PKHD1: variants seen among roughly 807,000 people sequenced by gnomAD.
The protein encoded by PKHD1 is fibrocystin.
Under a neutral mutation model 412.0 loss-of-function variants are expected in PKHD1, and 291 were observed. The observed-to-expected ratio is 0.71, with a 90% CI of 0.64 to 0.78. PKHD1 has a LOEUF of 0.78. Among genes scored for constraint, PKHD1 ranks in the 30% least tolerant of loss-of-function variants. PKHD1 has a pLI of 0.00. For synonymous variants in PKHD1, 1,777 were observed against 1,821.5 expected (o/e 0.98, Z 0.62); for missense variants, 4,825 against 4,950.7 (o/e 0.97, Z 0.76).
intron 60 of PKHD1, among the ~76,000 whole-genome samples, chr6:51,699,920 A>AGTGTGTATGTGT (rs57760395): frequency 0.1 from 13,985 of 137,806 alleles, 989 homozygotes; most frequent in Non-Finnish European, 0.15. Flanking sequence ...ATATATATGG[A>AGTGTGTATGTGT]GTGTGTGTGT....
At chr6:52,058,771 C>CCCTATCTATCTATCTA (rs1491323277) in intron 15 of PKHD1, among the ~76,000 whole-genome samples, 170 bp from the exon 16 acceptor site, 13 of 149,190 alleles carry the variant, frequency 8.7e-5, no homozygotes, top group Admixed American at 2.0e-4. Context: ...TTCTCCAGCT[C>CCCTATCTATCTATCTA]TCTATCTATC....
chr6:51,743,712 T>C (rs1362634250), intron 60 of PKHD1, among the ~76,000 whole-genome samples: 1 of 151,968 alleles, frequency 6.6e-6, no homozygotes, highest in Non-Finnish European at 1.5e-5. Flanking sequence ...AATCAACTAA[T>C]GAGATAGGGA....
intron 50 of PKHD1, among the ~76,000 whole-genome samples, chr6:51,836,711 GAGAAACAAAAAC>G (rs1459808985): frequency 1.3e-5 from 2 of 152,096 alleles, no homozygotes; most frequent in Non-Finnish European, 2.9e-5. Context: ...AAATAATTAG[GAGAAACAAAAAC>G]AGAAACGAAA....
chr6:52,027,249 C>T (rs750189352), intron 31 of PKHD1, among the ~76,000 whole-genome samples: 29 of 151,994 alleles, frequency 1.9e-4, no homozygotes, highest in Non-Finnish European at 4.0e-4. Flanking sequence ...AGGCACATCT[C>T]GGCTGGGCAC....
intron 50 of PKHD1, among the ~76,000 whole-genome samples, chr6:51,846,424 C>A (rs1771167912): frequency 6.6e-6 from 1 of 152,120 alleles, no homozygotes; most frequent in Admixed American, 6.6e-5. Flanking sequence ...CTGGATTTGA[C>A]CAGGATCTAC....
chr6:51,713,309 T>C (rs918778130), intron 60 of PKHD1, among the ~76,000 whole-genome samples: 3 of 152,246 alleles, frequency 2.0e-5, no homozygotes, highest in Non-Finnish European at 4.4e-5. Flanking sequence ...TGCAATCTAA[T>C]GCAATCTCAA....
intron 66 of PKHD1, among the ~76,000 whole-genome samples, chr6:51,624,684 G>A (rs1193048323): frequency 6.6e-6 from 1 of 152,170 alleles, no homozygotes; most frequent in East Asian, 1.9e-4. Context: ...AGCACACATA[G>A]TGTGCCTGAA....
At position 51,870,435 on chromosome 6, in the gene PKHD1, C is replaced by T. The variant is rs1170375583; in HGVS notation, c.7486+69G>A. The T allele has an allele frequency of 9.8e-6, 12 of 1,224,950 alleles. No individual in the cohort carries two copies. In the East Asian group the frequency reaches 2.3e-4, roughly 24 times the overall value. 75.9% of individuals were successfully genotyped at this position (1,224,950 alleles called of 1,614,324 possible). ...GAGATAATGATTCACAAAGTATTTG[C>T]CACTATTTATAATACTGACTTGAAT... On this transcript the variant is annotated intron_variant, in intron 47 of 66. Coordinates refer to ENST00000371117, the MANE Select transcript of PKHD1 (RefSeq NM_138694.4).
intron 48 of PKHD1, 98 bp from the exon 49 acceptor site, chr6:51,856,168 A>T: frequency 2.5e-6 from 2 of 812,802 alleles, no homozygotes; most frequent in Non-Finnish European, 2.2e-6. Flanking sequence ...TCATCTTTCC[A>T]TTCTCTCCAC....
chr6:51,981,473 GCCTC>G (rs1795267676), intron 35 of PKHD1, among the ~76,000 whole-genome samples: 1 of 152,046 alleles, frequency 6.6e-6, no homozygotes, highest in Non-Finnish European at 1.5e-5. Flanking sequence ...AGCCTGCTAC[GCCTC>G]ACTGGTTTTC....
intron 43 of PKHD1, among the ~76,000 whole-genome samples, chr6:51,893,371 A>C (rs1779398869): frequency 6.6e-6 from 1 of 152,242 alleles, no homozygotes; most frequent in Non-Finnish European, 1.5e-5. Context: ...CATTTATGGC[A>C]CATCTGGGTG....
intron 44 of PKHD1, 69 bp from the exon 45 acceptor site, chr6:51,886,041 A>C (rs1160335171): frequency 3.1e-6 from 3 of 952,446 alleles, no homozygotes; most frequent in East Asian, 4.9e-5. Context: ...TTCTTGTTGA[A>C]AAATACAAAG....
rs546736705 is a variant in PKHD1, at chr6:52,007,648, T to C, written c.5751+2661A>G. Reference sequence around the variant, plus strand: ...GAACCTTGCACTCTCAAAAGCATCCTGGTTTGGGTGATAAATTACATAGTC... The same window carrying C: ...GAACCTTGCACTCTCAAAAGCATCCCGGTTTGGGTGATAAATTACATAGTC... On this transcript the variant is annotated intron_variant, in intron 35 of 66. Coordinates refer to ENST00000371117, the MANE Select transcript of PKHD1 (RefSeq NM_138694.4). Among the ~76,000 whole-genome samples, 91 of 152,360 alleles carry C rather than the reference T, an allele frequency of 6.0e-4. No homozygotes were observed. In the South Asian group the frequency reaches 0.018, roughly 30 times the overall value.
chr6:51,897,163 C>T (rs545109541), intron 43 of PKHD1, among the ~76,000 whole-genome samples: 24 of 152,136 alleles, frequency 1.6e-4, no homozygotes, highest in Non-Finnish European at 2.1e-4. Flanking sequence ...ATAGAGAGAA[C>T]GCCACAAAGA....
chr6:52,071,083 C>G lies in PKHD1; in HGVS notation c.603-13G>C, dbSNP rs779238824. The G allele has an allele frequency of 6.4e-7, 1 of 1,560,174 alleles. No homozygotes were observed. The highest frequency in any genetic ancestry group is 8.8e-7 in the Non-Finnish European group (1 of 1,131,116). ...CTGAATAGGATAACTAAGGAAAAGA[C>G]AAACTGAGGTAAGAATGACCAGACA... On this transcript the variant is annotated splice_polypyrimidine_tract_variant and intron_variant, in intron 8 of 66. Coordinates refer to ENST00000371117, the MANE Select transcript of PKHD1 (RefSeq NM_138694.4).
intron 48 of PKHD1, among the ~76,000 whole-genome samples, chr6:51,866,199 A>G (rs1384059764): frequency 1.3e-5 from 2 of 152,146 alleles, no homozygotes; most frequent in Non-Finnish European, 1.5e-5. Context: ...AATTAGGGTC[A>G]GTTGAGTATT....
At chr6:51,916,704 G>C (rs1160928702) in intron 37 of PKHD1, among the ~76,000 whole-genome samples, 1 of 152,116 alleles carries the variant, frequency 6.6e-6, no homozygotes, top group Non-Finnish European at 1.5e-5. Context: ...AGTCATTTCT[G>C]TTCATAGAAC....
intron 60 of PKHD1, among the ~76,000 whole-genome samples, chr6:51,674,324 A>G (rs1407697383): frequency 6.6e-6 from 1 of 152,160 alleles, no homozygotes; most frequent in Non-Finnish European, 1.5e-5. Context: ...ACAGGCCAGG[A>G]TAGAGATTAG....
rs886061616 is a variant in PKHD1 at position 51,847,814 on chromosome 6, A to G, written c.8068T>C (p.Trp2690Arg). The G allele has an allele frequency of 3.1e-5, 50 of 1,613,996 alleles. No homozygotes were observed. Among genetic ancestry groups the G allele is most frequent in the Non-Finnish European group, 4.1e-5 (48 of 1,179,950 alleles). ...TGCCTCAGCTGGCTATTGAAGAACC[A>G]GTCACAGCCTTGGTTCTGACCTGGT... ...PSPGQNQGCD[W>R]FFNSQLRQLT... The change falls in exon 50 of 67, where the codon TGG becomes CGG. Residue 2690 changes from tryptophan (W) to arginine (R), a missense_variant. Coordinates refer to ENST00000371117, the MANE Select transcript of PKHD1 (RefSeq NM_138694.4).
Sources: gnomAD v4.1 joint callset for allele counts (sites outside exome capture counted in the v4.1 genomes callset) on GRCh38, gnomAD v4.1.1 for gene constraint, MANE v1.5 for transcripts, NCBI Gene and HGNC (gene_info 2026-07-23, HGNC 2026-07-21) for gene names.